BPI: variants seen among roughly 807,000 people sequenced by gnomAD.
The protein encoded by BPI is bactericidal permeability increasing protein.
Under a neutral mutation model 57.6 loss-of-function variants are expected in BPI, and 48 were observed. The observed-to-expected ratio is 0.83, with a 90% CI of 0.66 to 1.06. The LOEUF is 1.06. Ranked by LOEUF, BPI falls within the 50% of genes least tolerant of loss-of-function variation. BPI has a pLI of 0.00. For synonymous variants in BPI, 237 were observed against 238.2 expected, an observed-to-expected ratio of 0.99 and a Z score of 0.05; for missense variants, 651 against 609.7, an observed-to-expected ratio of 1.07 and a Z score of -0.71.
chr20:38,337,051 G>T (rs1568821775), intron 14 of BPI, 95 bp from the exon 15 acceptor site: 1 of 1,303,922 alleles, frequency 7.7e-7, no homozygotes, highest in South Asian at 1.3e-5. Flanking sequence ...TAAGAGGCAG[G>T]CTCCCAAAAT....
At chr20:38,316,597 G>A (rs971732676) in intron 5 of BPI, among the ~76,000 whole-genome samples, 1 of 152,242 alleles carries the variant, frequency 6.6e-6, no homozygotes, top group Non-Finnish European at 1.5e-5. Context: ...AGCGCAGTGA[G>A]GAGGTCGGGA....
intron 7 of BPI, among the ~76,000 whole-genome samples, chr20:38,323,610 G>A (rs530359065): frequency 1.0e-3 from 153 of 152,292 alleles, no homozygotes; most frequent in Middle Eastern, 3.4e-3. Context: ...GTGACCTTGG[G>A]CAAGTCACTT....
At chr20:38,328,334 A>C (rs11905484) in intron 11 of BPI, among the ~76,000 whole-genome samples, 11,997 of 151,684 alleles carry the variant, frequency 0.079, 1,146 homozygotes, top group East Asian at 0.42. Flanking sequence ...AGGTGGATCA[A>C]CTGAGGTCAG....
intron 10 of BPI, among the ~76,000 whole-genome samples, 173 bp from the exon 11 acceptor site, chr20:38,327,415 C>T (rs1484089173): frequency 6.6e-6 from 1 of 152,180 alleles, no homozygotes; most frequent in Non-Finnish European, 1.5e-5. Flanking sequence ...CAGTTTAGGA[C>T]TCAACAGCCA....
At chr20:38,326,215 T>A (rs1391392946) in intron 9 of BPI, 50 bp from the exon 10 acceptor site, 1 of 1,566,692 alleles carries the variant, frequency 6.4e-7, no homozygotes, top group Non-Finnish European at 8.7e-7. Context: ...TTCAGAAACA[T>A]TTTAACAGAA....
At chr20:38,318,964 C>T (rs902588249) in intron 6 of BPI, among the ~76,000 whole-genome samples, 22 of 152,092 alleles carry the variant, frequency 1.4e-4, no homozygotes, top group African/African-American at 5.3e-4. Flanking sequence ...GTAACCTGGC[C>T]GGGGTCACAC....
chr20:38,319,944 G>A, intron 6 of BPI: 1 of 536,718 alleles, frequency 1.9e-6, no homozygotes, highest in Non-Finnish European at 3.3e-6. Context: ...TTGACCCTGT[G>A]TCTTAGCGAC....
intron 5 of BPI, among the ~76,000 whole-genome samples, chr20:38,313,292 A>G (rs186857049): frequency 1.2e-3 from 183 of 149,044 alleles, no homozygotes; most frequent in Admixed American, 2.2e-3. Context: ...CTGAGGCAGG[A>G]GAATCGCTTG....
At chr20:38,318,623 G>C in intron 6 of BPI, 147 bp downstream of exon 6, 1 of 857,870 alleles carries the variant, frequency 1.2e-6, no homozygotes, top group South Asian at 1.5e-5. Flanking sequence ...ATTTTCAAGA[G>C]GCAGCTAGCA....
chr20:38,315,310 A>C, intron 5 of BPI, among the ~76,000 whole-genome samples: 1 of 152,204 alleles, frequency 6.6e-6, no homozygotes, highest in East Asian at 1.9e-4. Context: ...GAATGAATGA[A>C]TGAAGGAATG....
intron 7 of BPI, among the ~76,000 whole-genome samples, chr20:38,322,743 G>A (rs1317118409): frequency 6.6e-6 from 1 of 152,072 alleles, no homozygotes; most frequent in African/African-American, 2.4e-5. Flanking sequence ...CCGGTCACTG[G>A]GATTACAGGC....
At chr20:38,322,147 C>T (rs948929167) in intron 7 of BPI, among the ~76,000 whole-genome samples, 2 of 152,180 alleles carry the variant, frequency 1.3e-5, no homozygotes, top group Admixed American at 6.5e-5. Context: ...TGGTAATGTA[C>T]GAGGACAGTG....
rs758217676 is a variant in BPI at position 38,304,275 on chromosome 20, G to A, written c.52G>A (p.Val18Ile). The change falls in exon 1 of 15, where the codon GTC (valine) becomes ATC (isoleucine). Residue 18 changes from valine (V) to isoleucine (I), a missense_variant. Coordinates refer to ENST00000642449, the MANE Select transcript of BPI (RefSeq NM_001725.3). ...APRWASLMVL[V>I]AIGTAVTAAV... ...GAGATGGGCGTCCCTGATGGTGCTGGTCGCCATAGGCACCGCCGTGACAGC... is the reference window on the plus strand; with the variant it reads ...GAGATGGGCGTCCCTGATGGTGCTGATCGCCATAGGCACCGCCGTGACAGC... 2 of 1,614,012 alleles carry A rather than the reference G, an allele frequency of 1.2e-6. No individual in the cohort carries two copies. The highest frequency in any genetic ancestry group is 1.7e-6 in the Non-Finnish European group (2 of 1,180,014).
rs569132273 is a variant in BPI, at chr20:38,322,987, C to A, written c.757-883C>A. ...GTTAATTTTAAGTAATAAAATAATT[C>A]TAAGGTACAGAGAATGCTATACACT... On this transcript the variant is annotated intron_variant, in intron 7 of 14. Coordinates refer to ENST00000642449, the MANE Select transcript of BPI (RefSeq NM_001725.3). 3.5e-3 allele frequency among the ~76,000 whole-genome samples: 528 copies of A among 152,220 alleles called. 3 individuals are homozygous for A. The highest frequency in any genetic ancestry group is 0.012 in the African/African-American group (499 of 41,532).
chr20:38,320,661 T>TACACACAA lies in BPI; in HGVS notation c.756+394_756+395insAACACACA, dbSNP rs1555839120. Among the ~76,000 whole-genome samples, 11 of 130,818 alleles carry TACACACAA rather than the reference T, an allele frequency of 8.4e-5. No homozygotes were observed. The East Asian group carries it at 2.1e-3, about 25-fold the overall frequency. 85.8% of individuals were successfully genotyped at this position (130,818 alleles called of 152,430 possible). A position where few individuals can be genotyped will look rare whatever the true frequency, so the allele number is the denominator to read the frequency against. ...CCCCCACATCCTGCTTTATTACCAA[T>TACACACAA]ACACACACACACACACACACACACA... On this transcript the variant is annotated intron_variant, in intron 7 of 14. Transcript: ENST00000642449.
intron 6 of BPI, 192 bp from the exon 7 acceptor site, chr20:38,319,991 T>A (rs1410082080): frequency 1.7e-6 from 1 of 591,416 alleles, no homozygotes; most frequent in African/African-American, 1.9e-5. Flanking sequence ...AGTAAGGGGG[T>A]GTCTGTGAAT....
intron 1 of BPI, among the ~76,000 whole-genome samples, chr20:38,305,642 A>G (rs2076593329): frequency 6.6e-6 from 1 of 152,064 alleles, no homozygotes; most frequent in Admixed American, 6.5e-5. Flanking sequence ...TCTCTAGGGC[A>G]TGGGCTCTGG....
intron 9 of BPI, among the ~76,000 whole-genome samples, chr20:38,325,400 A>G (rs936693120): frequency 1.3e-5 from 2 of 152,146 alleles, no homozygotes; most frequent in Non-Finnish European, 2.9e-5. Flanking sequence ...GTGTCAGCAG[A>G]TTTGGTTTCT....
At chr20:38,319,008 G>A (rs6123585) in intron 6 of BPI, among the ~76,000 whole-genome samples, 28,951 of 152,132 alleles carry the variant, frequency 0.19, 3,929 homozygotes, top group East Asian at 0.58. Context: ...GCCAAGGCAG[G>A]CGGACCACCT....
Sources: gnomAD v4.1 joint callset for allele counts (sites outside exome capture counted in the v4.1 genomes callset) on GRCh38, gnomAD v4.1.1 for gene constraint, MANE v1.5 for transcripts, NCBI Gene and HGNC (gene_info 2026-07-23, HGNC 2026-07-21) for gene names.